Variants in GDA observed in about 807,000 individuals in gnomAD.
GDA encodes cytoplasmic PSD-95 interactor.
GDA carries 18 observed loss-of-function variants against 59.6 expected under a neutral mutation model. The observed-to-expected ratio is 0.30, with a 90% confidence interval of 0.21 to 0.45. GDA has a LOEUF of 0.45. GDA is among the 20% of genes least tolerant of loss of function. GDA has a pLI of 1.00. For missense variants in GDA, 427 were observed against 552.3 expected, an observed-to-expected ratio of 0.77 and a Z score of 2.27; for synonymous variants, 201 against 201.1, an observed-to-expected ratio of 1.00 and a Z score of 0.00.
intron 1 of GDA, among the ~76,000 whole-genome samples, chr9:72,186,881 A>G (rs1831922040): frequency 6.6e-6 from 1 of 152,068 alleles, no homozygotes; most frequent in African/African-American, 2.4e-5. Context: ...GATCACACTT[A>G]TTATCTCTCC....
chr9:72,235,822 GA>G (rs910245222), intron 10 of GDA, among the ~76,000 whole-genome samples: 46 of 151,990 alleles, frequency 3.0e-4, no homozygotes, highest in Non-Finnish European at 5.0e-4. Flanking sequence ...TGTGAAATAT[GA>G]AAAAAACCAT....
At chr9:72,161,506 G>A (rs1247458690) in intron 1 of GDA, among the ~76,000 whole-genome samples, 8 of 152,176 alleles carry the variant, frequency 5.3e-5, no homozygotes, top group Middle Eastern at 3.4e-3. Context: ...ATGTCCTGGT[G>A]AGTAATTAAG....
At chr9:72,234,080 A>G (rs1838684467) in intron 10 of GDA, among the ~76,000 whole-genome samples, 1 of 152,216 alleles carries the variant, frequency 6.6e-6, no homozygotes, top group African/African-American at 2.4e-5. Flanking sequence ...ATATAATGAA[A>G]TATTATTTAG....
intron 1 of GDA, among the ~76,000 whole-genome samples, chr9:72,162,070 C>G (rs1395184734): frequency 6.6e-6 from 1 of 152,022 alleles, no homozygotes; most frequent in East Asian, 1.9e-4. Context: ...CCCTTTAACC[C>G]TTTTTGGAAA....
At chr9:72,157,627 G>A (rs759559351) in intron 1 of GDA, among the ~76,000 whole-genome samples, 6 of 152,072 alleles carry the variant, frequency 3.9e-5, no homozygotes, top group Non-Finnish European at 5.9e-5. Context: ...TATAACAGGA[G>A]ACCCTTAACT....
intron 1 of GDA, among the ~76,000 whole-genome samples, chr9:72,129,458 A>C (rs1246414107): frequency 6.6e-6 from 1 of 152,052 alleles, no homozygotes; most frequent in African/African-American, 2.4e-5. Context: ...ACATCCTCCA[A>C]CTGTTTCTAC....
intron 10 of GDA, among the ~76,000 whole-genome samples, chr9:72,237,379 A>T (rs1839129449): frequency 6.6e-6 from 1 of 152,118 alleles, no homozygotes; most frequent in Non-Finnish European, 1.5e-5. Context: ...TGTTCTCTCC[A>T]TTGTCCAAGT....
At chr9:72,223,421 G>T (rs1342282708) in intron 7 of GDA, among the ~76,000 whole-genome samples, 194 bp downstream of exon 7, 1 of 152,118 alleles carries the variant, frequency 6.6e-6, no homozygotes, top group African/African-American at 2.4e-5. Context: ...CTTTCATTTT[G>T]CAGATAAGAA....
intron 1 of GDA, among the ~76,000 whole-genome samples, chr9:72,192,704 A>G (rs1564003259): frequency 6.7e-6 from 1 of 150,196 alleles, no homozygotes; most frequent in East Asian, 2.0e-4. Context: ...ACATTGTGAA[A>G]CCCCGTCTCT....
At chr9:72,160,318 A>G (rs1828452456) in intron 1 of GDA, among the ~76,000 whole-genome samples, 1 of 151,984 alleles carries the variant, frequency 6.6e-6, no homozygotes, top group African/African-American at 2.4e-5. Context: ...CAAACAAAAT[A>G]AAACAAAACA....
At chr9:72,238,928 C>A (rs1044076231) in intron 10 of GDA, among the ~76,000 whole-genome samples, 5 of 152,124 alleles carry the variant, frequency 3.3e-5, no homozygotes, top group African/African-American at 1.2e-4. Context: ...TTCACAGGTC[C>A]TAAGTAACTG....
At chr9:72,201,832 A>G (rs762787773) in intron 2 of GDA, among the ~76,000 whole-genome samples, 4 of 152,184 alleles carry the variant, frequency 2.6e-5, no homozygotes, top group African/African-American at 7.2e-5. Context: ...CTTTCTAATT[A>G]TAAGAATTAA....
chr9:72,148,309 ATGTGTGTGTGTGTGTG>A (rs58161772), upstream of GDA, among the ~76,000 whole-genome samples: 2,356 of 145,956 alleles, frequency 0.016, 67 homozygotes, highest in African/African-American at 0.056. Context: ...TGGTGTGTGT[ATGTGTGTGTGTGTGTG>A]TGTGTGTGTG....
At chr9:72,128,370 CT>C (rs1181988951) in intron 1 of GDA, among the ~76,000 whole-genome samples, 2 of 151,996 alleles carry the variant, frequency 1.3e-5, no homozygotes, top group African/African-American at 4.8e-5. Flanking sequence ...GGGCAGCTTT[CT>C]TATCATTCTT....
chr9:72,220,300 T>C (rs760101428), intron 6 of GDA, among the ~76,000 whole-genome samples: 1 of 152,218 alleles, frequency 6.6e-6, no homozygotes, highest in Non-Finnish European at 1.5e-5. Flanking sequence ...CCTAGCCCTC[T>C]GTGTTTTGTT....
intron 1 of GDA, among the ~76,000 whole-genome samples, chr9:72,133,305 A>T (rs201722138): frequency 0.029 from 3,818 of 130,972 alleles, 74 homozygotes; most frequent in African/African-American, 0.056. Context: ...AAAAAAAAAA[A>T]AAAAATAATA....
At chr9:72,169,215 AGC>A (rs1829676733) in intron 1 of GDA, among the ~76,000 whole-genome samples, 1 of 152,224 alleles carries the variant, frequency 6.6e-6, no homozygotes, top group South Asian at 2.1e-4. Context: ...AGTGGGGGAA[AGC>A]TGACTAGTAA....
At chr9:72,116,016 C>T (rs1019496038) in intron 1 of GDA, among the ~76,000 whole-genome samples, 3 of 152,080 alleles carry the variant, frequency 2.0e-5, no homozygotes, top group Non-Finnish European at 4.4e-5. Flanking sequence ...AGCTGATCAC[C>T]TGAGGTTGGG....
intron 1 of GDA, among the ~76,000 whole-genome samples, chr9:72,165,546 G>A (rs545896389): frequency 1.3e-4 from 20 of 152,192 alleles, no homozygotes; most frequent in Non-Finnish European, 2.5e-4. Flanking sequence ...TTAAAAATGC[G>A]GTTGGTATGT....
Sources: allele counts gnomAD v4.1 joint callset (sites outside exome capture counted in the v4.1 genomes callset), GRCh38; gene constraint gnomAD v4.1.1; transcripts MANE v1.5; gene names NCBI Gene and HGNC (gene_info 2026-07-23, HGNC 2026-07-21).